CACNG4: variants seen among roughly 807,000 people sequenced by gnomAD.
CACNG4 encodes the protein voltage-dependent calcium channel gamma-4 subunit.
A neutral mutation model predicts 22.9 loss-of-function variants in CACNG4; 8 were observed. The ratio of observed to expected loss-of-function variants is 0.35; its 90% CI spans 0.21 to 0.63. The LOEUF (loss-of-function observed/expected upper bound fraction) is 0.63. CACNG4 is among the 30% of genes least tolerant of loss of function. CACNG4 has a pLI of 0.72. For missense variants in CACNG4, 357 were observed against 455.4 expected (o/e 0.78, Z 1.97); for synonymous variants, 188 against 191.9 (o/e 0.98, Z 0.17).
intron 3 of CACNG4, among the ~76,000 whole-genome samples, chr17:67,026,159 T>C (rs972679726): frequency 6.9e-6 from 1 of 145,300 alleles, no homozygotes; most frequent in African/African-American, 2.6e-5. Flanking sequence ...GTGTGAGGAG[T>C]GTGGTGTGTT....
chr17:67,014,450 G>A (rs988188753), intron 1 of CACNG4, among the ~76,000 whole-genome samples: 4 of 152,150 alleles, frequency 2.6e-5, no homozygotes, highest in Admixed American at 6.5e-5. Context: ...CTAGGAGACC[G>A]AGTCAACAGC....
chr17:67,005,923 C>T (rs1405437010), intron 1 of CACNG4, among the ~76,000 whole-genome samples: 2 of 152,208 alleles, frequency 1.3e-5, no homozygotes, highest in African/African-American at 4.8e-5. Flanking sequence ...GTGCAGCTCA[C>T]GGCCCAGCAT....
At chr17:67,026,812 A>G (rs559615888) in intron 3 of CACNG4, among the ~76,000 whole-genome samples, 48 of 151,888 alleles carry the variant, frequency 3.2e-4, no homozygotes, top group African/African-American at 1.2e-3. Flanking sequence ...TGTGTTGGGA[A>G]GAGGAGCCTG....
At chr17:66,966,595 A>C (rs1210267360) in intron 1 of CACNG4, among the ~76,000 whole-genome samples, 1 of 152,046 alleles carries the variant, frequency 6.6e-6, no homozygotes, top group Non-Finnish European at 1.5e-5. Context: ...AGTGAAGTCA[A>C]CTTGGCCCCC....
chr17:66,993,992 A>T (rs909514457), intron 1 of CACNG4, among the ~76,000 whole-genome samples: 2 of 151,710 alleles, frequency 1.3e-5, no homozygotes, highest in African/African-American at 4.9e-5. Context: ...ATCCCATAAC[A>T]TCATGTTGTA....
chr17:66,985,256 C>T (rs114524881), intron 1 of CACNG4, among the ~76,000 whole-genome samples: 2,196 of 152,312 alleles, frequency 0.014, 28 homozygotes, highest in Middle Eastern at 0.058. Context: ...AGGCTGAGTC[C>T]TGGGCACTCC....
At chr17:66,993,192 G>C (rs1180378930) in intron 1 of CACNG4, among the ~76,000 whole-genome samples, 2 of 152,264 alleles carry the variant, frequency 1.3e-5, no homozygotes, top group African/African-American at 4.8e-5. Context: ...TGTGGTGGGG[G>C]CCTCATGGCA....
At chr17:67,021,906 C>T (rs369087434) in intron 2 of CACNG4, among the ~76,000 whole-genome samples, 4 of 152,146 alleles carry the variant, frequency 2.6e-5, no homozygotes, top group South Asian at 2.1e-4. Flanking sequence ...TAGCCACCTG[C>T]GCTGTGCCCG....
At chr17:67,017,557 C>T (rs764026517) in intron 1 of CACNG4, among the ~76,000 whole-genome samples, 1 of 150,056 alleles carries the variant, frequency 6.7e-6, no homozygotes, top group African/African-American at 2.5e-5. Context: ...CTTGCTCTGT[C>T]GCCAGGCTGG....
chr17:66,987,804 C>T (rs976007732), intron 1 of CACNG4, among the ~76,000 whole-genome samples: 35 of 152,036 alleles, frequency 2.3e-4, no homozygotes. Context: ...ACCCAGAAGC[C>T]AAGGGCAAGG....
chr17:67,031,617 T>C lies in CACNG4; in HGVS notation c.*613T>C, dbSNP rs1284319085. The C allele has an allele frequency of 8.8e-6, 4 of 456,720 alleles. No homozygotes were observed. Among genetic ancestry groups the C allele is most frequent in the Non-Finnish European group, 1.3e-5 (3 of 226,994 alleles). 28.3% of individuals were successfully genotyped at this position (456,720 alleles called of 1,614,324 possible). On this transcript the variant is annotated 3_prime_UTR_variant, in exon 4 of 4. Coordinates refer to ENST00000262138, the MANE Select transcript of CACNG4 (RefSeq NM_014405.4). This position sits in a 1 kb window ranked among gnomAD's most constrained non-coding sequence, Gnocchi z 4.0. ...CCAACTGGTGCTTTGGCCTTTGCGC[T>C]GTCCCGGGGCCAGCTTCCCTCGACC...
In CACNG4 at chr17:67,018,202, G is replaced by C. The variant is rs999312930; in HGVS notation, c.234G>C (p.Gly78=). ...CGTTCCTTCCAGGGATCTATAAAGG[G>C]CACTGCTTCCGGATCAATCACTTCC... ...RVCCIEGIYK[G]HCFRINHFPE... Residue 78 remains glycine, a synonymous_variant, in exon 2 of 4, where the codon GGG becomes GGC. Coordinates refer to ENST00000262138, the MANE Select transcript of CACNG4 (RefSeq NM_014405.4). The C allele has an allele frequency of 1.2e-5, 19 of 1,613,698 alleles. No individual in the cohort carries two copies. In the Admixed American group the frequency reaches 1.7e-4, roughly 14 times the overall value.
At chr17:66,996,764 C>T (rs1364796065) in intron 1 of CACNG4, among the ~76,000 whole-genome samples, 1 of 152,164 alleles carries the variant, frequency 6.6e-6, no homozygotes, top group Non-Finnish European at 1.5e-5. Context: ...CAGATCCAGA[C>T]CCCTGGCTCA....
chr17:66,986,567 CAT>C (rs1355289206), intron 1 of CACNG4, among the ~76,000 whole-genome samples: 3 of 152,246 alleles, frequency 2.0e-5, no homozygotes, highest in African/African-American at 7.2e-5. Context: ...GAGCAGAAGA[CAT>C]ATGAGTGAGG....
chr17:66,988,192 G>A (rs1456886264), intron 1 of CACNG4, among the ~76,000 whole-genome samples: 1 of 152,092 alleles, frequency 6.6e-6, no homozygotes, highest in African/African-American at 2.4e-5. Flanking sequence ...ATCACACAGC[G>A]TCTGCAGTTC....
At chr17:67,013,882 G>A in intron 1 of CACNG4, among the ~76,000 whole-genome samples, 1 of 152,032 alleles carries the variant, frequency 6.6e-6, no homozygotes, top group Admixed American at 6.6e-5. Context: ...GTGTGCAGAC[G>A]AGCCTGTACC....
intron 1 of CACNG4, among the ~76,000 whole-genome samples, chr17:66,970,975 G>A (rs1419959653): frequency 6.6e-6 from 1 of 152,208 alleles, no homozygotes; most frequent in African/African-American, 2.4e-5. Context: ...AGTGACAGAA[G>A]TGCCGAGTAG....
chr17:67,025,386 A>G (rs370972165), intron 3 of CACNG4, among the ~76,000 whole-genome samples: 9 of 152,360 alleles, frequency 5.9e-5, no homozygotes, highest in Admixed American at 3.3e-4. Context: ...AGCCTGTGAC[A>G]GGAGCCTGGC....
intron 1 of CACNG4, among the ~76,000 whole-genome samples, chr17:67,014,267 C>T (rs921077990): frequency 2.0e-5 from 3 of 152,204 alleles, no homozygotes; most frequent in African/African-American, 7.2e-5. Context: ...TTGAAAATGG[C>T]TTTCTTTCTT....
Sources: allele counts gnomAD v4.1 joint callset (sites outside exome capture counted in the v4.1 genomes callset), GRCh38; gene constraint gnomAD v4.1.1; non-coding constraint Gnocchi (gnomAD v3.1); transcripts MANE v1.5; gene names NCBI Gene and HGNC (gene_info 2026-07-23, HGNC 2026-07-21).